The following FHOD3 variants were observed in gnomAD, a reference collection of about 807,000 sequenced individuals.
FHOD3 encodes the protein FH1/FH2 domain-containing protein 3.
FHOD3 carries 90 observed loss-of-function variants against 173.0 expected under a neutral mutation model. The observed-to-expected ratio is 0.52, with a 90% CI of 0.44 to 0.62. FHOD3 has a LOEUF of 0.62. Ranked by LOEUF, FHOD3 falls within the 20% of genes least tolerant of loss-of-function variation. The probability of loss-of-function intolerance (pLI) is 0.00; values close to 1 mark genes in which losing one functional copy is unlikely to be tolerated. For missense variants in FHOD3, 1,945 were observed against 2,034.7 expected, an observed-to-expected ratio of 0.96 and a Z score of 0.85; for synonymous variants, 828 against 823.0, an observed-to-expected ratio of 1.01 and a Z score of -0.10.
At chr18:36,478,084 G>A (rs9950820) in intron 3 of FHOD3, among the ~76,000 whole-genome samples, 70 of 152,316 alleles carry the variant, frequency 4.6e-4, no homozygotes, top group African/African-American at 1.6e-3. Flanking sequence ...AGGTGGCAGC[G>A]AATGATGGTA....
chr18:36,429,034 T>C (rs779519187), intron 3 of FHOD3, among the ~76,000 whole-genome samples: 2 of 152,204 alleles, frequency 1.3e-5, no homozygotes, highest in African/African-American at 2.4e-5. Flanking sequence ...GGAGTAAAGA[T>C]AGAGGTACCC....
chr18:36,308,763 C>T (rs1394001589), intron 1 of FHOD3, among the ~76,000 whole-genome samples: 1 of 152,074 alleles, frequency 6.6e-6, no homozygotes, highest in Admixed American at 6.5e-5. Context: ...TAGTAAGCCC[C>T]AACAAATATT....
At chr18:36,546,114 A>G (rs1361616310) in intron 5 of FHOD3, among the ~76,000 whole-genome samples, 1 of 152,148 alleles carries the variant, frequency 6.6e-6, no homozygotes, top group East Asian at 1.9e-4. Flanking sequence ...CCCCTTTTTC[A>G]TAGGTGTATG....
At chr18:36,671,274 T>C (rs1459290134) in intron 14 of FHOD3, among the ~76,000 whole-genome samples, 1 of 152,256 alleles carries the variant, frequency 6.6e-6, no homozygotes, top group Non-Finnish European at 1.5e-5. Flanking sequence ...CTGCCTGGGT[T>C]TTCCCTTTAT....
chr18:36,355,675 G>T (rs563327984), intron 2 of FHOD3, 30 bp downstream of exon 2: 1 of 1,581,858 alleles, frequency 6.3e-7, no homozygotes, highest in Non-Finnish European at 8.7e-7. Flanking sequence ...CTGCTGACTG[G>T]TCCCCACCTA....
intron 22 of FHOD3, 72 bp from the exon 23 acceptor site, chr18:36,743,960 G>A: frequency 6.5e-7 from 1 of 1,543,532 alleles, no homozygotes; most frequent in South Asian, 1.1e-5. Flanking sequence ...GCCAAGAATT[G>A]ATCCTAACCA....
At chr18:36,678,166 G>A (rs8088944) in intron 14 of FHOD3, among the ~76,000 whole-genome samples, 29,814 of 151,940 alleles carry the variant, frequency 0.2, 3,061 homozygotes, top group African/African-American at 0.23. Context: ...TGGACCACCA[G>A]AATAATGTCA....
intron 24 of FHOD3, among the ~76,000 whole-genome samples, chr18:36,748,253 G>C (rs1433523847): frequency 1.3e-5 from 2 of 152,066 alleles, no homozygotes; most frequent in East Asian, 3.9e-4. Flanking sequence ...GAACTTTTAG[G>C]ATATTTTGTC....
intron 3 of FHOD3, among the ~76,000 whole-genome samples, chr18:36,492,504 A>G (rs2054522045): frequency 6.6e-6 from 1 of 152,216 alleles, no homozygotes; most frequent in Non-Finnish European, 1.5e-5. Context: ...GTTACAACTG[A>G]TAAACCAACG....
chr18:36,431,486 C>T (rs945201521), intron 3 of FHOD3, among the ~76,000 whole-genome samples: 1 of 152,200 alleles, frequency 6.6e-6, no homozygotes, highest in African/African-American at 2.4e-5. Context: ...CTAGGTAGCT[C>T]CTGAGGGCAG....
intron 13 of FHOD3, among the ~76,000 whole-genome samples, chr18:36,657,083 A>T (rs1908654314): frequency 1.3e-5 from 2 of 152,170 alleles, no homozygotes; most frequent in African/African-American, 4.8e-5. Context: ...TCCAGAAGGG[A>T]TTCCAATTTC....
At chr18:36,472,266 G>T (rs1346551739) in intron 3 of FHOD3, among the ~76,000 whole-genome samples, 1 of 152,164 alleles carries the variant, frequency 6.6e-6, no homozygotes, top group African/African-American at 2.4e-5. Context: ...GCCTGTTAGG[G>T]TAATGGCAAC....
intron 14 of FHOD3, among the ~76,000 whole-genome samples, chr18:36,673,149 A>G (rs2037641430): frequency 6.6e-6 from 1 of 152,158 alleles, no homozygotes; most frequent in African/African-American, 2.4e-5. Flanking sequence ...CAGCCTGGGC[A>G]GTGGGTTTGT....
At chr18:36,658,297 T>C (rs1348673928) in intron 14 of FHOD3, 109 bp downstream of exon 14, 1 of 712,660 alleles carries the variant, frequency 1.4e-6, no homozygotes, top group African/African-American at 1.9e-5. Flanking sequence ...ACATGAAGTA[T>C]TTTCCTTTAC....
At chr18:36,469,375 G>A (rs1185449610) in intron 3 of FHOD3, among the ~76,000 whole-genome samples, 1 of 152,158 alleles carries the variant, frequency 6.6e-6, no homozygotes, top group Admixed American at 6.5e-5. Context: ...TTTTATCGCC[G>A]AGCTGCCCAC....
chr18:36,303,357 G>T (rs537004343), intron 1 of FHOD3, among the ~76,000 whole-genome samples: 1 of 152,212 alleles, frequency 6.6e-6, no homozygotes, highest in Non-Finnish European at 1.5e-5. Context: ...GTGCAGATGG[G>T]GGTGGGGTAG....
At chr18:36,702,817 C>T (rs4799427) in intron 17 of FHOD3, among the ~76,000 whole-genome samples, 55,058 of 151,866 alleles carry the variant, frequency 0.36, 10,051 homozygotes, top group South Asian at 0.46. Context: ...TGTGTGTGTG[C>T]GCGTGTGTGT....
chr18:36,408,018 C>T (rs2049154214), intron 3 of FHOD3, among the ~76,000 whole-genome samples: 1 of 152,142 alleles, frequency 6.6e-6, no homozygotes. Context: ...GGCTCAGGAG[C>T]GTGTGGCCTT....
intron 18 of FHOD3, among the ~76,000 whole-genome samples, chr18:36,715,077 A>G (rs2040374361): frequency 6.6e-6 from 1 of 152,172 alleles, no homozygotes; most frequent in Non-Finnish European, 1.5e-5. Flanking sequence ...GAGGCCCTGG[A>G]AAGCTGATGG....
Sources: allele counts gnomAD v4.1 joint callset (sites outside exome capture counted in the v4.1 genomes callset), GRCh38; gene constraint gnomAD v4.1.1; transcripts MANE v1.5; gene names NCBI Gene and HGNC (gene_info 2026-07-23, HGNC 2026-07-21).